LRRC4C: variants seen among roughly 807,000 people sequenced by gnomAD.
LRRC4C encodes leucine-rich repeat-containing protein 4C.
Under a neutral mutation model 33.6 loss-of-function variants are expected in LRRC4C, and 5 were observed. The ratio of observed to expected loss-of-function variants is 0.15; its 90% confidence interval spans 0.08 to 0.31. The LOEUF (loss-of-function observed/expected upper bound fraction) is 0.31, where lower values mean the gene tolerates loss of function less well. Among genes scored for constraint, LRRC4C ranks in the 10% least tolerant of loss-of-function variants. LRRC4C has a pLI of 1.00. For missense variants in LRRC4C, 560 were observed against 796.7 expected, an observed-to-expected ratio of 0.70 and a Z score of 3.58; for synonymous variants, 329 against 302.0, an observed-to-expected ratio of 1.09 and a Z score of -0.93.
intron 3 of LRRC4C, among the ~76,000 whole-genome samples, chr11:40,445,070 G>C (rs1457396344): frequency 6.6e-6 from 1 of 152,118 alleles, no homozygotes; most frequent in Non-Finnish European, 1.5e-5. Context: ...AATTGTGGAG[G>C]ACCACAGAAA....
intron 3 of LRRC4C, among the ~76,000 whole-genome samples, chr11:40,390,869 C>T (rs927269128): frequency 4.0e-5 from 6 of 151,788 alleles, no homozygotes; most frequent in Admixed American, 2.6e-4. Context: ...TTTTCTTTTC[C>T]TTTTTTTGTT....
chr11:41,061,960 T>C (rs574323003), intron 1 of LRRC4C, among the ~76,000 whole-genome samples: 22 of 152,340 alleles, frequency 1.4e-4, no homozygotes, highest in Middle Eastern at 3.4e-3. Flanking sequence ...CACTGCTCAA[T>C]TGGCTGCTTC....
At chr11:40,529,262 A>G (rs1370829156) in intron 3 of LRRC4C, among the ~76,000 whole-genome samples, 1 of 152,102 alleles carries the variant, frequency 6.6e-6, no homozygotes, top group East Asian at 1.9e-4. Context: ...GTATATGCAT[A>G]CGTCCAAACT....
At chr11:40,950,186 C>G (rs1458907631) in intron 1 of LRRC4C, among the ~76,000 whole-genome samples, 1 of 151,336 alleles carries the variant, frequency 6.6e-6, no homozygotes, top group Non-Finnish European at 1.5e-5. Flanking sequence ...AAGGAGGTAA[C>G]CCCTACATCC....
chr11:40,484,777 A>G (rs1046601547), intron 3 of LRRC4C, among the ~76,000 whole-genome samples: 4 of 152,138 alleles, frequency 2.6e-5, no homozygotes, highest in Non-Finnish European at 4.4e-5. Flanking sequence ...ATTCTGTGTA[A>G]GTCATATGCA....
chr11:40,665,323 AAAATATATATATATATATATAT>A (rs1380747314), intron 2 of LRRC4C, among the ~76,000 whole-genome samples: 6 of 10,930 alleles, frequency 5.5e-4, no homozygotes, highest in South Asian at 2.1e-3. Context: ...AAAAAAAAAA[AAAATATATATATATATATATAT>A]ATATATATAT....
intron 3 of LRRC4C, among the ~76,000 whole-genome samples, chr11:40,612,212 A>G (rs2135891886): frequency 6.6e-6 from 1 of 152,072 alleles, no homozygotes; most frequent in Non-Finnish European, 1.5e-5. Flanking sequence ...TAAGCCTTAA[A>G]AAGAAGAAAA....
chr11:40,794,373 C>CA (rs57476895), intron 2 of LRRC4C, among the ~76,000 whole-genome samples: 5,178 of 76,924 alleles, frequency 0.067, 492 homozygotes, highest in Middle Eastern at 0.12. Flanking sequence ...TAAACGCCAG[C>CA]AAAAAAAAAA....
At chr11:40,694,060 G>T (rs1310277549) in intron 2 of LRRC4C, among the ~76,000 whole-genome samples, 1 of 152,124 alleles carries the variant, frequency 6.6e-6, no homozygotes, top group Non-Finnish European at 1.5e-5. Flanking sequence ...GAAAGGCAAA[G>T]CATACTAGCT....
chr11:41,319,013 T>C (rs1950876506), intron 1 of LRRC4C, among the ~76,000 whole-genome samples: 1 of 152,212 alleles, frequency 6.6e-6, no homozygotes, highest in African/African-American at 2.4e-5. Context: ...TATCATACTT[T>C]CCCACAGATT....
intron 1 of LRRC4C, among the ~76,000 whole-genome samples, chr11:41,173,130 T>C (rs1288753505): frequency 1.3e-5 from 2 of 152,166 alleles, no homozygotes; most frequent in African/African-American, 4.8e-5. Flanking sequence ...CATTTTAAAT[T>C]TATTACAAAT....
Position 40,625,059 on chromosome 11 carries a change from G to C in LRRC4C, c.-270+23083C>G, listed in dbSNP as rs1962799468. Among the ~76,000 whole-genome samples the C allele has an allele frequency of 2.6e-5, 4 of 152,034 alleles. No individual in the cohort carries two copies. In the South Asian group the frequency reaches 8.3e-4, roughly 32 times the overall value. On this transcript the variant is annotated intron_variant, in intron 3 of 6. Transcript: ENST00000528697. ...ATCATATAATATTCAGAATAATACT[G>C]TAGTATTAATATTATTGCCTTCTTC...
At chr11:41,409,007 CGGGTCACTGTGTGCA>C (rs1954357591) in intron 1 of LRRC4C, among the ~76,000 whole-genome samples, 1 of 152,110 alleles carries the variant, frequency 6.6e-6, no homozygotes, top group Non-Finnish European at 1.5e-5. Context: ...TTCAGGTTTC[CGGGTCACTGTGTGCA>C]GGGTCACACT....
chr11:40,408,568 A>G (rs938811649), intron 3 of LRRC4C, among the ~76,000 whole-genome samples: 12 of 152,116 alleles, frequency 7.9e-5, no homozygotes, highest in Admixed American at 6.6e-4. Context: ...ACTCAGGACT[A>G]AAGTTAATAA....
intron 1 of LRRC4C, among the ~76,000 whole-genome samples, chr11:41,237,388 A>G (rs1313903248): frequency 6.6e-6 from 1 of 152,170 alleles, no homozygotes; most frequent in African/African-American, 2.4e-5. Context: ...CTGTGAAGCC[A>G]AATGATACCC....
intron 2 of LRRC4C, among the ~76,000 whole-genome samples, chr11:40,874,505 T>A (rs1954793859): frequency 1.3e-5 from 2 of 152,334 alleles, no homozygotes; most frequent in South Asian, 4.1e-4. Flanking sequence ...TTTTCTCAGC[T>A]TTGATGTCAC....
At chr11:40,177,831 T>C (rs1009662466) in intron 5 of LRRC4C, among the ~76,000 whole-genome samples, 5 of 152,186 alleles carry the variant, frequency 3.3e-5, no homozygotes, top group Non-Finnish European at 1.5e-5. Flanking sequence ...CAGATCTTTG[T>C]CTGTATTTTT....
intron 1 of LRRC4C, among the ~76,000 whole-genome samples, chr11:41,101,314 A>G (rs1384959961): frequency 2.0e-5 from 3 of 152,304 alleles, no homozygotes; most frequent in Middle Eastern, 3.4e-3. Flanking sequence ...TACAAGAAAA[A>G]AAACCATTTA....
intron 1 of LRRC4C, among the ~76,000 whole-genome samples, chr11:41,176,408 C>T (rs750480820): frequency 6.6e-6 from 1 of 151,958 alleles, no homozygotes. Context: ...ACAATAATTC[C>T]CAGTCAATTA....
Sources: gnomAD v4.1 joint callset for allele counts (sites outside exome capture counted in the v4.1 genomes callset) on GRCh38, gnomAD v4.1.1 for gene constraint, MANE v1.5 for transcripts, NCBI Gene and HGNC (gene_info 2026-07-23, HGNC 2026-07-21) for gene names.